Variants in MITF observed in about 807,000 individuals in gnomAD.
MITF encodes microphthalmia-associated transcription factor.
MITF carries 17 observed loss-of-function variants against 60.5 expected under a neutral mutation model. That is an observed-to-expected ratio of 0.28 (90% CI 0.19 to 0.42). MITF has a LOEUF of 0.42. Among genes scored for constraint, MITF ranks in the 10% least tolerant of loss-of-function variants. The pLI, the probability that MITF is intolerant of heterozygous loss-of-function variation, is 1.00. For missense variants in MITF, 622 were observed against 683.5 expected, an observed-to-expected ratio of 0.91 and a Z score of 1.00; for synonymous variants, 260 against 248.5, an observed-to-expected ratio of 1.05 and a Z score of -0.43.
intron 1 of MITF, among the ~76,000 whole-genome samples, chr3:69,808,752 G>C (rs1402800734): frequency 6.6e-6 from 1 of 152,100 alleles, no homozygotes; most frequent in East Asian, 1.9e-4. Context: ...TCCCTGGGAA[G>C]GGTTTAGATC....
At chr3:69,924,359 AGATATTT>A (rs1463615663) in intron 2 of MITF, among the ~76,000 whole-genome samples, 1 of 152,252 alleles carries the variant, frequency 6.6e-6, no homozygotes, top group African/African-American at 2.4e-5. Context: ...GCTAAAAAGC[AGATATTT>A]GATACTTGCA....
intron 2 of MITF, among the ~76,000 whole-genome samples, chr3:69,890,541 T>C (rs1033157873): frequency 2.0e-5 from 3 of 152,176 alleles, no homozygotes; most frequent in Non-Finnish European, 2.9e-5. Flanking sequence ...ATAGATTGAT[T>C]AACATGAAGG....
At chr3:69,865,684 G>T (rs754813731) in intron 1 of MITF, among the ~76,000 whole-genome samples, 20 of 152,126 alleles carry the variant, frequency 1.3e-4, no homozygotes, top group Non-Finnish European at 2.5e-4. Context: ...AATATTCTTG[G>T]GGTCTGAGGG....
intron 1 of MITF, among the ~76,000 whole-genome samples, chr3:69,769,219 TAAC>T (rs916000689): frequency 1.3e-5 from 2 of 152,114 alleles, no homozygotes; most frequent in Admixed American, 6.5e-5. Context: ...ACAGTAATAA[TAAC>T]AATAATGATG....
chr3:69,803,316 G>C (rs2062952604), intron 1 of MITF, among the ~76,000 whole-genome samples: 1 of 152,088 alleles, frequency 6.6e-6, no homozygotes, highest in African/African-American at 2.4e-5. Context: ...AAGAAACTCT[G>C]TTGTCTGTCT....
In MITF at chr3:69,966,131, T is replaced by G. The variant is rs930615387; in HGVS notation, c.*883T>G. 3.4e-5 allele frequency: 8 copies of G among 232,772 alleles called. No individual in the cohort carries two copies. Among genetic ancestry groups the G allele is most frequent in the Non-Finnish European group, 6.0e-5 (7 of 117,604 alleles). The allele number at this position is 232,772 out of a possible 1,614,324, so 14.4% of individuals were successfully genotyped here. ...TGGGCATATTTCTAATTGGCTTTAC[T>G]ATTTTTATTTTTAAATTATGTTTTA... On this transcript the variant is annotated 3_prime_UTR_variant, in exon 10 of 10. Coordinates refer to ENST00000352241, the MANE Select transcript of MITF (RefSeq NM_001354604.2).
At chr3:69,915,473 A>G (rs1281277484) in intron 2 of MITF, among the ~76,000 whole-genome samples, 1 of 151,734 alleles carries the variant, frequency 6.6e-6, no homozygotes, top group East Asian at 1.9e-4. Context: ...TTGCCACTTC[A>G]TATATATATT....
At chr3:69,860,508 G>C (rs2063994228) in intron 1 of MITF, among the ~76,000 whole-genome samples, 1 of 147,194 alleles carries the variant, frequency 6.8e-6, no homozygotes, top group African/African-American at 2.5e-5. Context: ...TGAGGCAGGA[G>C]AATGGCGTGA....
intron 2 of MITF, chr3:69,936,552 C>T (rs1446568719): frequency 1.4e-6 from 2 of 1,435,232 alleles, no homozygotes; most frequent in South Asian, 3.2e-5. Context: ...AACTAATTAG[C>T]TTAGGTTATT....
chr3:69,929,028 C>A (rs74688855), intron 2 of MITF, among the ~76,000 whole-genome samples: 2,324 of 152,276 alleles, frequency 0.015, 26 homozygotes, highest in Middle Eastern at 0.051. Context: ...ACTGCCTGGC[C>A]TGAAGACTTA....
chr3:69,942,526 G>C (rs1233983878), intron 5 of MITF, among the ~76,000 whole-genome samples: 1 of 151,808 alleles, frequency 6.6e-6, no homozygotes, highest in Non-Finnish European at 1.5e-5. Flanking sequence ...GAACTCATGT[G>C]GGGTGAGGAC....
chr3:69,884,123 AT>A (rs2064555469), intron 2 of MITF, among the ~76,000 whole-genome samples: 1 of 152,162 alleles, frequency 6.6e-6, no homozygotes, highest in African/African-American at 2.4e-5. Flanking sequence ...GACTTTTTAA[AT>A]TGCAGATAAT....
intron 1 of MITF, among the ~76,000 whole-genome samples, chr3:69,784,798 A>C (rs2062621814): frequency 6.6e-6 from 1 of 152,180 alleles, no homozygotes; most frequent in African/African-American, 2.4e-5. Flanking sequence ...TCTTCTTTAT[A>C]AAGGACTTCT....
At chr3:69,835,015 CTT>C (rs142347719) in intron 1 of MITF, among the ~76,000 whole-genome samples, 16 of 68,546 alleles carry the variant, frequency 2.3e-4, no homozygotes, top group South Asian at 1.3e-3. Context: ...GCTCTTTTAC[CTT>C]TTTTTTTTTT....
At chr3:69,960,744 A>G (rs2066520835) in intron 9 of MITF, among the ~76,000 whole-genome samples, 1 of 152,210 alleles carries the variant, frequency 6.6e-6, no homozygotes, top group South Asian at 2.1e-4. Context: ...CACCCTAGCG[A>G]CCATTGTGTT....
Position 69,941,466 on chromosome 3 carries a change from C to T in MITF, c.762+135C>T, listed in dbSNP as rs193287629. ...TTAATAGTAAAATGGAGAATTATCT[C>T]AGGATCACAAATAAGTGACTTTAAC... On this transcript the variant is annotated intron_variant, in intron 5 of 9. Coordinates refer to ENST00000352241, the MANE Select transcript of MITF (RefSeq NM_001354604.2). The T allele has an allele frequency of 1.1e-4, 73 of 640,560 alleles. No homozygotes were observed. The East Asian group carries it at 1.7e-3, about 15-fold the overall frequency. The allele number at this position is 640,560 out of a possible 1,614,324, so 39.7% of individuals were successfully genotyped here. A position where few individuals can be genotyped will look rare whatever the true frequency, so the allele number is the denominator to read the frequency against.
At chr3:69,869,860 C>T (rs1283027135) in intron 1 of MITF, among the ~76,000 whole-genome samples, 1 of 152,116 alleles carries the variant, frequency 6.6e-6, no homozygotes, top group African/African-American at 2.4e-5. Context: ...TGAAGCTCCT[C>T]CTGCTCGTAT....
At chr3:69,761,193 CTG>C (rs143672680) in intron 1 of MITF, among the ~76,000 whole-genome samples, 1,899 of 152,070 alleles carry the variant, frequency 0.012, 32 homozygotes, top group African/African-American at 0.044. Context: ...AAAATTCTTT[CTG>C]TGTTAGAAAA....
At chr3:69,930,960 G>A (rs11128153) in intron 2 of MITF, among the ~76,000 whole-genome samples, 9,068 of 152,256 alleles carry the variant, frequency 0.06, 657 homozygotes, top group African/African-American at 0.17. Context: ...AATATCTTCA[G>A]TGGTTGTTTC....
Sources: gnomAD v4.1 joint callset for allele counts (sites outside exome capture counted in the v4.1 genomes callset) on GRCh38, gnomAD v4.1.1 for gene constraint, MANE v1.5 for transcripts, NCBI Gene and HGNC (gene_info 2026-07-23, HGNC 2026-07-21) for gene names.